TAOK1: variants seen among roughly 807,000 people sequenced by gnomAD.
TAOK1 encodes the protein serine/threonine-protein kinase TAO1.
In TAOK1, 21 loss-of-function variants were observed where a neutral mutation model predicts 138.3. That is an observed-to-expected ratio of 0.15 (90% CI 0.11 to 0.22). TAOK1 has a LOEUF of 0.22. Ranked by LOEUF, TAOK1 falls within the 10% of genes least tolerant of loss-of-function variation. The pLI is 1.00. For synonymous variants in TAOK1, 361 were observed against 398.4 expected, an observed-to-expected ratio of 0.91 and a Z score of 1.12; for missense variants, 651 against 1,227.7, an observed-to-expected ratio of 0.53 and a Z score of 7.02.
chr17:29,463,210 T>C (rs1239656821), intron 2 of TAOK1, among the ~76,000 whole-genome samples: 2 of 152,160 alleles, frequency 1.3e-5, no homozygotes, highest in African/African-American at 4.8e-5. Context: ...AATTTTTGTT[T>C]TAGGTAATTT....
At position 29,510,857 on chromosome 17, in the gene TAOK1, C is replaced by T; in HGVS notation, c.1576-7C>T. ...TAAATTTGATTCATTTTTTAAACTT[C>T]ATATAGGCTAAAGTGATGTCCAATG... On this transcript the variant is annotated splice_polypyrimidine_tract_variant and splice_region_variant and intron_variant, in intron 14 of 19. Coordinates refer to ENST00000261716, the MANE Select transcript of TAOK1 (RefSeq NM_020791.4). The T allele has an allele frequency of 6.4e-7, 1 of 1,570,328 alleles. No homozygotes were observed.
intron 1 of TAOK1, 47 bp from the exon 2 acceptor site, chr17:29,451,408 T>G (rs1446988884): frequency 2.2e-6 from 2 of 903,566 alleles, no homozygotes; most frequent in Non-Finnish European, 3.2e-6. Flanking sequence ...CTAATTATTC[T>G]TAGCAGTTTT....
intron 1 of TAOK1, among the ~76,000 whole-genome samples, chr17:29,427,721 G>A (rs1905688429): frequency 6.6e-6 from 1 of 151,684 alleles, no homozygotes. Flanking sequence ...GAGGTCAAAA[G>A]TTCCATACCA....
At chr17:29,489,604 G>C in intron 8 of TAOK1, 60 bp from the exon 9 acceptor site, 1 of 1,057,508 alleles carries the variant, frequency 9.5e-7, no homozygotes, top group Admixed American at 2.6e-5. Context: ...GGAAAAACGT[G>C]CCCAGGACTT....
intron 16 of TAOK1, among the ~76,000 whole-genome samples, chr17:29,521,783 CCT>C (rs1305425143): frequency 6.6e-6 from 1 of 152,194 alleles, no homozygotes; most frequent in Non-Finnish European, 1.5e-5. Context: ...GGGATTTCAC[CCT>C]GTTAGCCAGG....
intron 13 of TAOK1, among the ~76,000 whole-genome samples, chr17:29,504,486 T>C (rs1223470727): frequency 6.6e-6 from 1 of 151,442 alleles, no homozygotes; most frequent in African/African-American, 2.4e-5. Flanking sequence ...CTGGCCAACA[T>C]GGTGAAACCT....
chr17:29,540,489 T>G (rs2150778333), intron 19 of TAOK1, among the ~76,000 whole-genome samples: 1 of 151,526 alleles, frequency 6.6e-6, no homozygotes, highest in African/African-American at 2.4e-5. Context: ...CTCAGACTCC[T>G]GAGTAGCTGG....
At chr17:29,398,103 A>C (rs1904720371) in intron 1 of TAOK1, among the ~76,000 whole-genome samples, 1 of 152,140 alleles carries the variant, frequency 6.6e-6, no homozygotes, top group Admixed American at 6.6e-5. Flanking sequence ...ATGGGGGCTC[A>C]GGCAGTCCTC....
intron 1 of TAOK1, among the ~76,000 whole-genome samples, chr17:29,417,914 G>A (rs540472469): frequency 4.6e-5 from 7 of 151,876 alleles, no homozygotes; most frequent in African/African-American, 9.7e-5. Context: ...CTTTCACAGC[G>A]TCTTACTCTG....
At chr17:29,528,880 T>G (rs1275009488) in intron 17 of TAOK1, among the ~76,000 whole-genome samples, 1 of 147,654 alleles carries the variant, frequency 6.8e-6, no homozygotes, top group Non-Finnish European at 1.5e-5. Context: ...TGCAGCAAAG[T>G]GTTTCTAAAA....
At chr17:29,440,893 T>C (rs1241339096) in intron 1 of TAOK1, among the ~76,000 whole-genome samples, 1 of 152,198 alleles carries the variant, frequency 6.6e-6, no homozygotes, top group Non-Finnish European at 1.5e-5. Flanking sequence ...GTTTTTATTA[T>C]GAAAGTGTGT....
Position 29,506,201 on chromosome 17 carries a change from A to G in TAOK1, c.1339-1695A>G, listed in dbSNP as rs532991797. Among the ~76,000 whole-genome samples, 31 of 152,350 alleles carry G rather than the reference A, an allele frequency of 2.0e-4. No homozygotes were observed. The South Asian group carries it at 5.8e-3, about 28-fold the overall frequency. On this transcript the variant is annotated intron_variant, in intron 13 of 19. Transcript: ENST00000261716. ...CAGCATTATTCACAATAGCTAAGTC[A>G]TGGAATCAACCTAAGTGCCTATCAG...
intron 15 of TAOK1, chr17:29,512,940 C>T (rs1034432142): frequency 6.6e-6 from 1 of 152,120 alleles, no homozygotes; most frequent in African/African-American, 2.4e-5. Flanking sequence ...CCTTGGCCTC[C>T]CAAAGTGCTG....
intron 1 of TAOK1, among the ~76,000 whole-genome samples, chr17:29,435,360 A>G (rs1905993985): frequency 6.6e-6 from 1 of 152,236 alleles, no homozygotes; most frequent in Non-Finnish European, 1.5e-5. Context: ...TTAAAAAATC[A>G]TGATAGGACT....
Position 29,498,303 on chromosome 17 carries a change from GT to G in TAOK1, c.1000-14del. 1 of 1,613,796 alleles carries G rather than the reference GT, an allele frequency of 6.2e-7. No homozygotes were observed. ...TATTAATATTTGAACTGAACTGAAT[GT>G]CCTTTTCTCTTAGGAACAAGATCAT... On this transcript the variant is annotated splice_polypyrimidine_tract_variant and intron_variant, in intron 11 of 19. Coordinates refer to ENST00000261716, the MANE Select transcript of TAOK1 (RefSeq NM_020791.4).
chr17:29,491,186 A>C (rs1358243609), intron 9 of TAOK1, among the ~76,000 whole-genome samples: 1 of 152,210 alleles, frequency 6.6e-6, no homozygotes. Context: ...TTGATGGAGT[A>C]ATTATTTACT....
Position 29,531,168 on chromosome 17 carries a change from C to T in TAOK1, c.2361+549C>T, listed in dbSNP as rs1215649385. Among the ~76,000 whole-genome samples, 4 of 150,964 alleles carry T rather than the reference C, an allele frequency of 2.6e-5. No homozygotes were observed. In the South Asian group the frequency reaches 8.4e-4, roughly 32 times the overall value. ...ATTTTTAGTAGAGACGGGGTTTTACCGTGTTAGCCAGGATGGTCTCGATCT... is the reference window on the plus strand; with the variant it reads ...ATTTTTAGTAGAGACGGGGTTTTACTGTGTTAGCCAGGATGGTCTCGATCT... On this transcript the variant is annotated intron_variant, in intron 18 of 19. Transcript: ENST00000261716.
intron 19 of TAOK1, among the ~76,000 whole-genome samples, chr17:29,538,564 C>T (rs917137166): frequency 6.6e-6 from 1 of 152,156 alleles, no homozygotes; most frequent in Non-Finnish European, 1.5e-5. Context: ...GTGATTTCTG[C>T]ACTTTATGCT....
At chr17:29,446,188 T>C (rs1297280676) in intron 1 of TAOK1, among the ~76,000 whole-genome samples, 1 of 152,216 alleles carries the variant, frequency 6.6e-6, no homozygotes, top group East Asian at 1.9e-4. Context: ...CTTTCTGTCT[T>C]ACTGACTTCC....
Sources: gnomAD v4.1 joint callset for allele counts (sites outside exome capture counted in the v4.1 genomes callset) on GRCh38, gnomAD v4.1.1 for gene constraint, MANE v1.5 for transcripts, NCBI Gene and HGNC (gene_info 2026-07-23, HGNC 2026-07-21) for gene names.